DOCK8: variants seen among roughly 807,000 people sequenced by gnomAD.
DOCK8 encodes dedicator of cytokinesis 8, also known as dedicator of cytokinesis protein 8.
In DOCK8, 141 loss-of-function variants were observed where a neutral mutation model predicts 245.6. The ratio of observed to expected loss-of-function variants is 0.57; its 90% CI spans 0.50 to 0.66. The LOEUF (loss-of-function observed/expected upper bound fraction) is 0.66. Ranked by LOEUF, DOCK8 falls within the 30% of genes least tolerant of loss-of-function variation. The probability of loss-of-function intolerance (pLI) is 0.00; values close to 1 mark genes in which losing one functional copy is unlikely to be tolerated. For synonymous variants in DOCK8, 1,168 were observed against 970.2 expected (o/e 1.20, Z -3.79); for missense variants, 2,965 against 2,603.4 (o/e 1.14, Z -3.02).
intron 14 of DOCK8, among the ~76,000 whole-genome samples, chr9:352,930 G>A (rs902780177): frequency 2.0e-5 from 3 of 152,066 alleles, no homozygotes; most frequent in Non-Finnish European, 4.4e-5. Flanking sequence ...GACAAAGGGA[G>A]CAGGATATCT....
At chr9:400,057 ACCTCCT>A (rs1205131117) in intron 26 of DOCK8, among the ~76,000 whole-genome samples, 5 of 108,238 alleles carry the variant, frequency 4.6e-5, no homozygotes, top group African/African-American at 1.8e-4. Context: ...CACCATCACC[ACCTCCT>A]TCACCATCAC....
chr9:440,233 T>G (rs1257362385), intron 40 of DOCK8, among the ~76,000 whole-genome samples: 1 of 152,170 alleles, frequency 6.6e-6, no homozygotes, highest in African/African-American at 2.4e-5. Flanking sequence ...TTGGCCAGGC[T>G]GGTCTCAAAC....
chr9:244,122 A>G (rs2047446264), intron 1 of DOCK8, among the ~76,000 whole-genome samples: 1 of 145,768 alleles, frequency 6.9e-6, no homozygotes, highest in Non-Finnish European at 1.5e-5. Context: ...CGGGAGGTGG[A>G]GCTTGCAGTG....
At chr9:368,267 G>C in intron 15 of DOCK8, 132 bp downstream of exon 15, 3 of 827,374 alleles carry the variant, frequency 3.6e-6, no homozygotes, top group Non-Finnish European at 6.5e-6. Flanking sequence ...ATGTGCAAGG[G>C]CTTCTGTGCC....
At chr9:339,596 C>T (rs1226086273) in intron 13 of DOCK8, among the ~76,000 whole-genome samples, 1 of 152,166 alleles carries the variant, frequency 6.6e-6, no homozygotes, top group Non-Finnish European at 1.5e-5. Flanking sequence ...CTCACTGCAA[C>T]CTCTGCCTTC....
chr9:443,602 G>GAT, intron 43 of DOCK8, 86 bp downstream of exon 43: 1 of 1,104,048 alleles, frequency 9.1e-7, no homozygotes, highest in Non-Finnish European at 1.4e-6. Flanking sequence ...TCATCTATCT[G>GAT]GACTCTCCAA....
At chr9:393,238 C>T (rs1396638412) in intron 24 of DOCK8, among the ~76,000 whole-genome samples, 5 of 152,020 alleles carry the variant, frequency 3.3e-5, no homozygotes, top group African/African-American at 9.7e-5. Flanking sequence ...CATCTTAGAG[C>T]TCTCTTTCCA....
At chr9:414,693 G>C in intron 28 of DOCK8, 89 bp from the exon 29 acceptor site, 1 of 1,521,074 alleles carries the variant, frequency 6.6e-7, no homozygotes, top group Non-Finnish European at 9.1e-7. Flanking sequence ...TCATTGCTTA[G>C]GAGCGTTTTC....
At chr9:252,619 A>G (rs1440364316) in intron 1 of DOCK8, among the ~76,000 whole-genome samples, 2 of 152,004 alleles carry the variant, frequency 1.3e-5, no homozygotes, top group African/African-American at 4.8e-5. Context: ...CCTGGCCAAC[A>G]TGGTGAAACC....
intron 33 of DOCK8, among the ~76,000 whole-genome samples, chr9:425,347 G>A (rs528321905): frequency 9.4e-4 from 143 of 152,030 alleles, no homozygotes; most frequent in Middle Eastern, 6.8e-3. Context: ...CCTGGCTAAC[G>A]CGGCGAAACC....
chr9:433,790 G>T, intron 37 of DOCK8, 85 bp from the exon 38 acceptor site: 1 of 1,143,314 alleles, frequency 8.7e-7, no homozygotes, highest in South Asian at 1.2e-5. Context: ...CCTTCCCATG[G>T]CTTCCCCTTG....
Position 345,029 on chromosome 9 carries a change from G to C in DOCK8, c.1679+4708G>C, listed in dbSNP as rs2051809935. Among the ~76,000 whole-genome samples the C allele has an allele frequency of 1.3e-5, 2 of 152,134 alleles. 1 individual carries two copies. The highest frequency in any genetic ancestry group is 6.8e-3 in the Middle Eastern group (2 of 294). The stretch of plus-strand genomic sequence containing the variant: ...ATCCTGCCATTGCACTCCAGCCTGG[G>C]CAACAGAGCAAAAAAACTCTGTCTC... On this transcript the variant is annotated intron_variant, in intron 14 of 47. Coordinates refer to ENST00000432829, the MANE Select transcript of DOCK8 (RefSeq NM_203447.4).
chr9:386,121 A>G (rs1295771381), intron 22 of DOCK8, among the ~76,000 whole-genome samples: 2 of 152,242 alleles, frequency 1.3e-5, no homozygotes, highest in East Asian at 3.8e-4. Context: ...CACACAAACT[A>G]TTAACGGGTG....
intron 14 of DOCK8, chr9:366,272 A>T (rs1194842797): frequency 1.3e-5 from 2 of 152,622 alleles, no homozygotes; most frequent in East Asian, 1.9e-4. Context: ...GGGTACAGCA[A>T]CTCATACTTG....
intron 46 of DOCK8, 145 bp downstream of exon 46, chr9:452,262 G>C (rs1216349322): frequency 3.1e-6 from 2 of 641,742 alleles, no homozygotes; most frequent in Admixed American, 2.2e-5. Context: ...GGAATCTCTG[G>C]AGGTGTGGCT....
chr9:309,545 A>G (rs931850001), intron 5 of DOCK8, among the ~76,000 whole-genome samples: 15 of 152,220 alleles, frequency 9.9e-5, no homozygotes, highest in African/African-American at 3.6e-4. Context: ...TTTGGTTCAA[A>G]GCATGCAGTT....
intron 1 of DOCK8, among the ~76,000 whole-genome samples, chr9:258,470 C>A (rs2047832830): frequency 6.6e-6 from 1 of 152,026 alleles, no homozygotes; most frequent in African/African-American, 2.4e-5. Flanking sequence ...TTGAGTTTAA[C>A]TGAATCCAGG....
At chr9:246,190 TC>T (rs1335819453) in intron 1 of DOCK8, among the ~76,000 whole-genome samples, 2 of 151,072 alleles carry the variant, frequency 1.3e-5, no homozygotes, top group Non-Finnish European at 3.0e-5. Flanking sequence ...CTGCACTCCA[TC>T]CTAGGTGACA....
At position 356,344 on chromosome 9, in the gene DOCK8, C is replaced by T. The variant is rs531112335; in HGVS notation, c.1680-11674C>T. ...GAGATTGAGACCATCCTGGCTAACACAGTGAAACCCCGTCTCTACTAAAAA... is the reference window on the plus strand; with the variant it reads ...GAGATTGAGACCATCCTGGCTAACATAGTGAAACCCCGTCTCTACTAAAAA... On this transcript the variant is annotated intron_variant, in intron 14 of 47. Coordinates refer to ENST00000432829, the MANE Select transcript of DOCK8 (RefSeq NM_203447.4). 5.3e-5 allele frequency among the ~76,000 whole-genome samples: 8 copies of T among 152,062 alleles called. No homozygotes were observed. In the East Asian group the frequency reaches 1.5e-3, roughly 29 times the overall value.
Sources: allele counts gnomAD v4.1 joint callset (sites outside exome capture counted in the v4.1 genomes callset), GRCh38; gene constraint gnomAD v4.1.1; transcripts MANE v1.5; gene names NCBI Gene and HGNC (gene_info 2026-07-23, HGNC 2026-07-21).